ATP13A4: variants seen among roughly 807,000 people sequenced by gnomAD.
ATP13A4 encodes the protein ATPase 13A4, also known as probable cation-transporting ATPase 13A4.
A neutral mutation model predicts 142.5 loss-of-function variants in ATP13A4; 114 were observed. The ratio of observed to expected loss-of-function variants is 0.80; its 90% CI spans 0.69 to 0.93. The LOEUF is 0.93. Ranked by LOEUF, ATP13A4 falls within the 40% of genes least tolerant of loss-of-function variation. ATP13A4 has a pLI of 0.00. For synonymous variants in ATP13A4, 488 were observed against 514.8 expected, an observed-to-expected ratio of 0.95 and a Z score of 0.70; for missense variants, 1,392 against 1,454.0, an observed-to-expected ratio of 0.96 and a Z score of 0.69.
intron 2 of ATP13A4, among the ~76,000 whole-genome samples, chr3:193,562,886 A>G (rs1437398435): frequency 6.6e-6 from 1 of 152,116 alleles, no homozygotes; most frequent in Non-Finnish European, 1.5e-5. Flanking sequence ...AAATAACAAT[A>G]AAAATTAAAA....
chr3:193,452,443 A>G (rs1444385732), intron 17 of ATP13A4, among the ~76,000 whole-genome samples: 2 of 152,182 alleles, frequency 1.3e-5, no homozygotes, highest in Non-Finnish European at 2.9e-5. Context: ...CAACAAGCCC[A>G]GGAAACAAAC....
chr3:193,583,264 C>T (rs890503832), intron 1 of ATP13A4, among the ~76,000 whole-genome samples: 4 of 151,754 alleles, frequency 2.6e-5, no homozygotes, highest in South Asian at 2.1e-4. Context: ...GAAACCCCGT[C>T]TCTACTAAAA....
chr3:193,531,999 T>C (rs540275416), intron 1 of ATP13A4, among the ~76,000 whole-genome samples: 13 of 152,228 alleles, frequency 8.5e-5, no homozygotes, highest in African/African-American at 3.1e-4. Flanking sequence ...CCATAATAAA[T>C]ATTTATACTG....
intron 1 of ATP13A4, among the ~76,000 whole-genome samples, chr3:193,540,959 G>T (rs1209417186): frequency 2.1e-5 from 3 of 142,116 alleles, no homozygotes; most frequent in African/African-American, 8.0e-5. Flanking sequence ...TTTAAAATCA[G>T]AACAATAGGG....
chr3:193,487,585 G>T (rs747294837), intron 7 of ATP13A4, among the ~76,000 whole-genome samples: 2 of 152,068 alleles, frequency 1.3e-5, no homozygotes, highest in Non-Finnish European at 2.9e-5. Context: ...AAAATTCTGG[G>T]ATTACAGGTG....
At chr3:193,433,551 T>C (rs961658280) in intron 25 of ATP13A4, among the ~76,000 whole-genome samples, 19 of 152,190 alleles carry the variant, frequency 1.2e-4, no homozygotes, top group African/African-American at 4.6e-4. Context: ...CTGAAGTTAG[T>C]GTTCCTGATT....
chr3:193,465,908 G>T (rs1179054614), intron 11 of ATP13A4, 117 bp downstream of exon 11: 3 of 1,264,982 alleles, frequency 2.4e-6, no homozygotes, highest in African/African-American at 1.5e-5. Flanking sequence ...AGGCATCAGT[G>T]CTTGGTTTTG....
intron 1 of ATP13A4, among the ~76,000 whole-genome samples, chr3:193,541,115 G>A (rs918057514): frequency 7.9e-5 from 12 of 151,818 alleles, no homozygotes; most frequent in Admixed American, 2.6e-4. Context: ...CGGGCGTGGT[G>A]GCAGGCGCCT....
chr3:193,566,189 T>C (rs565862793), intron 2 of ATP13A4, among the ~76,000 whole-genome samples: 1 of 152,196 alleles, frequency 6.6e-6, no homozygotes, highest in South Asian at 2.1e-4. Context: ...GACCTGCCCT[T>C]GTTCTCCTAA....
Position 193,457,033 on chromosome 3 carries a change from C to T in ATP13A4, c.1882G>A (p.Glu628Lys), listed in dbSNP as rs1337438652. Residue 628 changes from glutamate to lysine, a missense_variant, in exon 16 of 30, where the codon GAG (glutamate) becomes AAG (lysine). By Grantham distance (56) the Glu-to-Lys change is moderately conservative (BLOSUM62 1). Transcript: ENST00000342695. ...DRLAFMKGAPERVASFCQPET... is the reference protein window; with the variant it reads ...DRLAFMKGAPKRVASFCQPET... ...GGTTGGCAAAAGCTGGCCACCCTCTCTGGTGCACCTTTCATGAATGCCAGT... is the reference window on the plus strand; with the variant it reads ...GGTTGGCAAAAGCTGGCCACCCTCTTTGGTGCACCTTTCATGAATGCCAGT... 5 of 1,614,146 alleles carry T rather than the reference C, an allele frequency of 3.1e-6. No homozygotes were observed. The highest frequency in any genetic ancestry group is 1.1e-5 in the South Asian group (1 of 91,042).
At chr3:193,504,392 A>T (rs975921831) in intron 2 of ATP13A4, among the ~76,000 whole-genome samples, 5 of 152,194 alleles carry the variant, frequency 3.3e-5, no homozygotes, top group African/African-American at 1.2e-4. Flanking sequence ...TTTAAGTAAG[A>T]ACTTTCCATT....
At chr3:193,547,873 G>T (rs1364686349) in intron 1 of ATP13A4, among the ~76,000 whole-genome samples, 2 of 152,104 alleles carry the variant, frequency 1.3e-5, no homozygotes, top group Non-Finnish European at 2.9e-5. Context: ...TTTGCACTGG[G>T]TCTTGCAAAT....
chr3:193,490,624 C>T (rs1719893292), intron 6 of ATP13A4, among the ~76,000 whole-genome samples: 1 of 152,220 alleles, frequency 6.6e-6, no homozygotes, highest in Non-Finnish European at 1.5e-5. Flanking sequence ...GTTTCCCTCT[C>T]TCTAAAACAG....
intron 2 of ATP13A4, among the ~76,000 whole-genome samples, chr3:193,508,989 GA>G (rs35561827): frequency 0.43 from 60,491 of 140,244 alleles, 12,410 homozygotes; most frequent in Admixed American, 0.55. Flanking sequence ...GACTGTCCAG[GA>G]AAAAAAAAAA....
intron 2 of ATP13A4, among the ~76,000 whole-genome samples, chr3:193,568,494 G>A (rs1175692800): frequency 6.6e-6 from 1 of 152,164 alleles, no homozygotes; most frequent in African/African-American, 2.4e-5. Context: ...GCTCTAGAAT[G>A]GGCTAGGAGA....
At chr3:193,522,642 A>G (rs75347590) in intron 1 of ATP13A4, among the ~76,000 whole-genome samples, 3,413 of 152,260 alleles carry the variant, frequency 0.022, 115 homozygotes, top group African/African-American at 0.076. Flanking sequence ...GTGACAGTGC[A>G]TGAACACTTG....
At chr3:193,473,594 A>G (rs1473728098) in intron 8 of ATP13A4, among the ~76,000 whole-genome samples, 1 of 152,240 alleles carries the variant, frequency 6.6e-6, no homozygotes, top group African/African-American at 2.4e-5. Flanking sequence ...TAAATTTGCA[A>G]TGGAGAAACC....
At chr3:193,458,060 T>C (rs1447835635) in intron 14 of ATP13A4, among the ~76,000 whole-genome samples, 1 of 152,194 alleles carries the variant, frequency 6.6e-6, no homozygotes, top group African/African-American at 2.4e-5. Flanking sequence ...CAATCCCTAT[T>C]TAAAGATATG....
intron 2 of ATP13A4, among the ~76,000 whole-genome samples, chr3:193,502,935 C>A (rs984637534): frequency 2.6e-5 from 4 of 152,172 alleles, no homozygotes; most frequent in African/African-American, 9.7e-5. Flanking sequence ...TTTCAACCAC[C>A]TTTCAGCCCA....
Sources: gnomAD v4.1 joint callset for allele counts (sites outside exome capture counted in the v4.1 genomes callset) on GRCh38, gnomAD v4.1.1 for gene constraint, MANE v1.5 for transcripts, NCBI Gene and HGNC (gene_info 2026-07-23, HGNC 2026-07-21) for gene names.